PRELID2: variants seen among roughly 807,000 people sequenced by gnomAD.
The protein encoded by PRELID2 is PRELI domain-containing protein 2.
PRELID2 carries 25 observed loss-of-function variants against 28.4 expected under a neutral mutation model. The observed-to-expected ratio is 0.88, with a 90% CI of 0.64 to 1.23. The LOEUF (loss-of-function observed/expected upper bound fraction) is 1.23. Among genes scored for constraint, PRELID2 ranks in the 50% most tolerant of loss-of-function variants. The pLI is 0.00. For synonymous variants in PRELID2, 76 were observed against 71.6 expected (o/e 1.06, Z -0.31); for missense variants, 201 against 214.4 (o/e 0.94, Z 0.39).
the PRELID2 span, among the ~76,000 whole-genome samples, chr5:145,395,228 C>CA: frequency 6.6e-6 from 1 of 151,976 alleles, no homozygotes; most frequent in South Asian, 2.1e-4. Context: ...TTCACTTCCC[C>CA]TTTTCCTGCC....
At chr5:145,716,346 A>G (rs1755843097) in intron 1 of PRELID2, among the ~76,000 whole-genome samples, 3 of 152,208 alleles carry the variant, frequency 2.0e-5, no homozygotes, top group Admixed American at 2.0e-4. Context: ...ATAAAGGAAG[A>G]GAAAACCACC....
chr5:145,496,413 GAGGTAAGTATAT>G (rs1404587076), intron 1 of PRELID2, among the ~76,000 whole-genome samples: 2 of 152,168 alleles, frequency 1.3e-5, no homozygotes, highest in African/African-American at 4.8e-5. Context: ...GGAAAATTAG[GAGGTAAGTATAT>G]ACAGAAAAAA....
chr5:145,468,950 T>A (rs1752027512), downstream of PRELID2, among the ~76,000 whole-genome samples: 3 of 152,172 alleles, frequency 2.0e-5, no homozygotes, highest in Admixed American at 2.0e-4. Context: ...TTGGCTTTTG[T>A]TGTCATTGCT....
the PRELID2 span, among the ~76,000 whole-genome samples, chr5:145,292,893 AT>A: frequency 6.6e-6 from 1 of 151,698 alleles, no homozygotes; most frequent in African/African-American, 2.4e-5. Context: ...ATTTTTTATT[AT>A]TATTTTTTTT....
the PRELID2 span, among the ~76,000 whole-genome samples, chr5:145,333,604 G>T: frequency 3.9e-5 from 6 of 152,050 alleles, no homozygotes; most frequent in Non-Finnish European, 5.9e-5. Context: ...CCTCAGTAAT[G>T]GTGGACAAAC....
At chr5:145,779,578 G>GT (rs1491019473) in intron 5 of PRELID2, among the ~76,000 whole-genome samples, 1 of 5,426 alleles carries the variant, frequency 1.8e-4, no homozygotes, top group African/African-American at 2.9e-4. Flanking sequence ...TACTAACACT[G>GT]TTTCATTATG....
At chr5:145,598,688 C>T (rs1753345759) in intron 1 of PRELID2, among the ~76,000 whole-genome samples, 1 of 152,082 alleles carries the variant, frequency 6.6e-6, no homozygotes, top group Non-Finnish European at 1.5e-5. Flanking sequence ...CATTTCTTGG[C>T]TCTGGGGATA....
chr5:145,586,088 A>G (rs892001462), intron 1 of PRELID2, among the ~76,000 whole-genome samples: 2 of 152,118 alleles, frequency 1.3e-5, no homozygotes, highest in Non-Finnish European at 2.9e-5. Context: ...GTTGATCCAC[A>G]AAAGCAGATT....
intron 1 of PRELID2, among the ~76,000 whole-genome samples, chr5:145,747,202 T>C (rs564906763): frequency 1.0e-4 from 15 of 144,406 alleles, no homozygotes; most frequent in African/African-American, 3.1e-4. Flanking sequence ...TTGAAGAAGA[T>C]AGAGACATCA....
the PRELID2 span, among the ~76,000 whole-genome samples, chr5:145,449,703 A>G: frequency 6.6e-6 from 1 of 151,820 alleles, no homozygotes; most frequent in South Asian, 2.1e-4. Flanking sequence ...TCAACATGTT[A>G]CTCTACTGCT....
chr5:145,798,022 G>A (rs1313941105), intron 4 of PRELID2, among the ~76,000 whole-genome samples: 1 of 151,730 alleles, frequency 6.6e-6, no homozygotes, highest in Non-Finnish European at 1.5e-5. Context: ...AAGAAACTAT[G>A]AGAAAAATGA....
At chr5:145,760,855 C>T (rs1757439864) in intron 6 of PRELID2, among the ~76,000 whole-genome samples, 1 of 152,194 alleles carries the variant, frequency 6.6e-6, no homozygotes, top group Non-Finnish European at 1.5e-5. Flanking sequence ...CAAGAACAGA[C>T]AGCTGTCAGG....
At chr5:145,478,509 C>T (rs548348070) in intron 1 of PRELID2, among the ~76,000 whole-genome samples, 47 of 152,076 alleles carry the variant, frequency 3.1e-4, no homozygotes, top group South Asian at 6.2e-4. Flanking sequence ...CAAGATCACG[C>T]CATTACTCTC....
At chr5:145,737,032 G>C (rs1184677357) in intron 1 of PRELID2, among the ~76,000 whole-genome samples, 2 of 152,020 alleles carry the variant, frequency 1.3e-5, no homozygotes. Flanking sequence ...GAAGAGAATT[G>C]AAAGAGGATA....
chr5:145,789,457 A>G (rs73306023), intron 5 of PRELID2, among the ~76,000 whole-genome samples: 4,665 of 152,278 alleles, frequency 0.031, 220 homozygotes, highest in African/African-American at 0.11. Context: ...TAGAATAATA[A>G]AATTGGACCT....
chr5:145,604,669 C>A (rs563117089), intron 1 of PRELID2, among the ~76,000 whole-genome samples: 2 of 150,608 alleles, frequency 1.3e-5, no homozygotes, highest in African/African-American at 4.9e-5. Flanking sequence ...TTCACAATGG[C>A]TAAACTAATT....
chr5:145,551,306 C>T (rs532179456), intron 1 of PRELID2, among the ~76,000 whole-genome samples: 1 of 152,042 alleles, frequency 6.6e-6, no homozygotes, highest in South Asian at 2.1e-4. Context: ...GAGGCTGAGG[C>T]AGGAGAATCG....
chr5:145,517,346 T>C (rs528263633), intron 1 of PRELID2, among the ~76,000 whole-genome samples: 1 of 152,132 alleles, frequency 6.6e-6, no homozygotes, highest in South Asian at 2.1e-4. Flanking sequence ...GAACAGACAC[T>C]TCTCGAAAGA....
chr5:145,796,550 G>C lies in PRELID2; in HGVS notation c.369-3C>G. 1 of 1,576,352 alleles carries C rather than the reference G, an allele frequency of 6.3e-7. No homozygotes were observed. The highest frequency in any genetic ancestry group is 8.6e-7 in the Non-Finnish European group (1 of 1,160,694). ...TGCCTCTTTGAATGAACTCTGTCCT[G>C]CAAAAAAAACAAAAAACACATCTTT... On this transcript the variant is annotated splice_region_variant and splice_polypyrimidine_tract_variant and intron_variant, in intron 4 of 6. Coordinates refer to ENST00000683046, the MANE Select transcript of PRELID2 (RefSeq NM_205846.3).
Sources: allele counts gnomAD v4.1 joint callset (sites outside exome capture counted in the v4.1 genomes callset), GRCh38; gene constraint gnomAD v4.1.1; transcripts MANE v1.5; gene names NCBI Gene and HGNC (gene_info 2026-07-23, HGNC 2026-07-21).